SLC16A7: variants seen among roughly 807,000 people sequenced by gnomAD.
SLC16A7 encodes monocarboxylate transporter 2.
SLC16A7 carries 33 observed loss-of-function variants against 34.9 expected under a neutral mutation model. The ratio of observed to expected loss-of-function variants is 0.94; its 90% CI spans 0.72 to 1.26. SLC16A7 has a LOEUF of 1.26. Ranked by LOEUF, SLC16A7 falls within the 50% of genes most tolerant of loss-of-function variation. The probability of loss-of-function intolerance (pLI) is 0.00; values close to 1 mark genes in which losing one functional copy is unlikely to be tolerated. For synonymous variants in SLC16A7, 201 were observed against 206.6 expected, an observed-to-expected ratio of 0.97 and a Z score of 0.23; for missense variants, 573 against 578.1, an observed-to-expected ratio of 0.99 and a Z score of 0.09.
At chr12:59,772,284 T>C (rs1183557461) in intron 4 of SLC16A7, among the ~76,000 whole-genome samples, 1 of 152,182 alleles carries the variant, frequency 6.6e-6, no homozygotes, top group East Asian at 1.9e-4. Flanking sequence ...CTCTCCTTTT[T>C]TGATATAACA....
intron 3 of SLC16A7, among the ~76,000 whole-genome samples, chr12:59,746,929 C>G (rs908930743): frequency 6.6e-5 from 10 of 152,288 alleles, no homozygotes; most frequent in Non-Finnish European, 8.8e-5. Flanking sequence ...AACTCTTGAG[C>G]TCAGGCAATC....
chr12:59,613,841 CA>C (rs1362329644), intron 1 of SLC16A7, among the ~76,000 whole-genome samples: 4 of 152,028 alleles, frequency 2.6e-5, no homozygotes, highest in Admixed American at 1.3e-4. Context: ...ACAATTCAAA[CA>C]AAAAGTTATG....
intron 2 of SLC16A7, among the ~76,000 whole-genome samples, chr12:59,701,630 T>A (rs1291621848): frequency 6.6e-6 from 1 of 151,750 alleles, no homozygotes; most frequent in African/African-American, 2.4e-5. Context: ...ATTCATAGAA[T>A]TTATACTAGT....
chr12:59,615,153 G>A (rs1298202868), intron 1 of SLC16A7, among the ~76,000 whole-genome samples: 1 of 152,220 alleles, frequency 6.6e-6, no homozygotes, highest in Admixed American at 6.5e-5. Context: ...TGGAAGGAGA[G>A]ACAGGGCCTC....
At chr12:59,668,132 G>A (rs2137041189) in intron 2 of SLC16A7, among the ~76,000 whole-genome samples, 1 of 152,354 alleles carries the variant, frequency 6.6e-6, no homozygotes, top group South Asian at 2.1e-4. Flanking sequence ...CTCTGCTAGG[G>A]CAGTGCAGCA....
intron 1 of SLC16A7, among the ~76,000 whole-genome samples, chr12:59,622,295 T>G (rs1316318035): frequency 6.6e-6 from 1 of 151,808 alleles, no homozygotes; most frequent in Non-Finnish European, 1.5e-5. Flanking sequence ...CCCCGAGTAC[T>G]CTTGGTAATT....
Position 59,775,087 on chromosome 12 carries a change from C to A in SLC16A7, c.792C>A (p.Pro264=). 6.2e-7 allele frequency: 1 copy of A among 1,613,924 alleles called. No individual in the cohort carries two copies. The highest frequency in any genetic ancestry group is 1.1e-5 in the South Asian group (1 of 91,074). ...NVIMFLGFFA[P]IIFLAPYAKD... ...TTATGTTCCTAGGTTTTTTTGCCCC[C>A]ATTATATTCTTGGCTCCATATGCTA... The change falls in exon 5 of 6, where the codon CCC becomes CCA. Residue 264 remains proline, a synonymous_variant. Transcript: ENST00000547379.
At chr12:59,628,539 A>C (rs1242683333) in intron 1 of SLC16A7, among the ~76,000 whole-genome samples, 1 of 151,902 alleles carries the variant, frequency 6.6e-6, no homozygotes, top group Non-Finnish European at 1.5e-5. Context: ...AGAGCCGTAA[A>C]CAAACCCTCT....
In SLC16A7 at chr12:59,771,252, G is replaced by T. The variant is rs757107688; in HGVS notation, c.251G>T (p.Gly84Val). 2.5e-6 allele frequency: 4 copies of T among 1,613,080 alleles called. No homozygotes were observed. The African/African-American group carries it at 4.0e-5, about 16-fold the overall frequency. ...AGTAGTGTTTTGGTGAATAAATACG[G>T]CAGCCGGCCGGTGGTGATAGCAGGA... ...PVSSVLVNKY[G>V]SRPVVIAGGL... Residue 84 changes from glycine (G) to valine (V), a missense_variant, in exon 4 of 6, where the codon GGC (glycine) becomes GTC (valine). Physicochemically the swap from Gly to Val is moderately radical, Grantham distance 109 (BLOSUM62 -3). Transcript: ENST00000547379.
intron 1 of SLC16A7, among the ~76,000 whole-genome samples, chr12:59,634,794 TTTA>T (rs1452952447): frequency 6.6e-6 from 1 of 152,060 alleles, no homozygotes; most frequent in Admixed American, 6.6e-5. Context: ...TTAAAACAAT[TTTA>T]TCTTGAATGC....
Position 59,789,000 on chromosome 12 carries a change from T to G in SLC16A7, c.*9321T>G, listed in dbSNP as rs1303592500. ...AAAAAATCTTGGTTGTAGTTTCTAA[T>G]TTTCACTGCATAACAAATTTGAAAC... On this transcript the variant is annotated 3_prime_UTR_variant, in exon 6 of 6. Coordinates refer to ENST00000547379, the MANE Select transcript of SLC16A7 (RefSeq NM_001270623.2). 1 of 152,104 alleles carries G rather than the reference T, an allele frequency of 6.6e-6. No individual in the cohort carries two copies. The highest frequency in any genetic ancestry group is 1.5e-5 in the Non-Finnish European group (1 of 67,950). The allele number at this position is 152,104 out of a possible 1,614,324, so 9.4% of individuals were successfully genotyped here.
chr12:59,695,872 G>A (rs554149731), intron 2 of SLC16A7, among the ~76,000 whole-genome samples: 19 of 152,042 alleles, frequency 1.2e-4, no homozygotes, highest in East Asian at 1.2e-3. Context: ...CTGTCGCCCC[G>A]ATTTGATTAG....
At chr12:59,652,748 C>T (rs771016901) in intron 1 of SLC16A7, among the ~76,000 whole-genome samples, 2 of 151,384 alleles carry the variant, frequency 1.3e-5, no homozygotes, top group African/African-American at 2.4e-5. Context: ...GTTTATGAAC[C>T]TTTCTAGAAA....
intron 3 of SLC16A7, among the ~76,000 whole-genome samples, chr12:59,751,830 C>T (rs1412515754): frequency 5.9e-5 from 9 of 152,164 alleles, no homozygotes; most frequent in Admixed American, 2.6e-4. Flanking sequence ...CCCTGACCCC[C>T]GAGCAGCCTA....
chr12:59,677,186 T>G (rs556481640), intron 2 of SLC16A7, among the ~76,000 whole-genome samples: 2 of 152,316 alleles, frequency 1.3e-5, no homozygotes, highest in African/African-American at 4.8e-5. Flanking sequence ...TTTTCCTTTC[T>G]AGTAAAAAGA....
intron 3 of SLC16A7, among the ~76,000 whole-genome samples, chr12:59,768,825 C>T (rs893984944): frequency 7.9e-5 from 12 of 151,996 alleles, no homozygotes; most frequent in Admixed American, 3.3e-4. Context: ...AGCAAGGCCC[C>T]GTCTCTATGA....
intron 1 of SLC16A7, among the ~76,000 whole-genome samples, chr12:59,639,490 C>A (rs1880579384): frequency 6.6e-6 from 1 of 152,104 alleles, no homozygotes; most frequent in African/African-American, 2.4e-5. Context: ...CTCAAGCTAT[C>A]CTCCTGCCTC....
chr12:59,699,110 A>C (rs889467186), intron 2 of SLC16A7, among the ~76,000 whole-genome samples: 1 of 151,542 alleles, frequency 6.6e-6, no homozygotes, highest in Non-Finnish European at 1.5e-5. Context: ...TTTTATTTTT[A>C]AAATTTTAAA....
At chr12:59,714,472 C>A (rs901804298) in intron 3 of SLC16A7, among the ~76,000 whole-genome samples, 1 of 151,982 alleles carries the variant, frequency 6.6e-6, no homozygotes, top group African/African-American at 2.4e-5. Context: ...CCTCTCTCTT[C>A]GGCTTGTTAG....
Sources: allele counts gnomAD v4.1 joint callset (sites outside exome capture counted in the v4.1 genomes callset), GRCh38; gene constraint gnomAD v4.1.1; transcripts MANE v1.5; gene names NCBI Gene and HGNC (gene_info 2026-07-23, HGNC 2026-07-21).